POMZP3: variants seen among roughly 807,000 people sequenced by gnomAD.
POMZP3 encodes POM121 and ZP3 fusion protein.
In POMZP3, 10 loss-of-function variants were observed where a neutral mutation model predicts 19.8. The observed-to-expected ratio is 0.51, with a 90% CI of 0.31 to 0.86. The LOEUF (loss-of-function observed/expected upper bound fraction) is 0.86, where lower values mean the gene tolerates loss of function less well. Ranked by LOEUF, POMZP3 falls within the 40% of genes least tolerant of loss-of-function variation. POMZP3 has a pLI of 0.04. For synonymous variants in POMZP3, 57 were observed against 85.8 expected, an observed-to-expected ratio of 0.66 and a Z score of 1.85; for missense variants, 152 against 228.1, an observed-to-expected ratio of 0.67 and a Z score of 2.15.
Position 76,610,253 on chromosome 7 carries a change from T to C in POMZP3, c.*12-38A>G, listed in dbSNP as rs776295641. ...AACACACAACCAAGGGTCATCTTAG[T>C]CCCTAACCGGGAACTGGGTTGGAGG... On this transcript the variant is annotated intron_variant, in intron 6 of 6. Transcript: ENST00000310842. The C allele has an allele frequency of 4.3e-6, 7 of 1,613,870 alleles. 1 individual carries two copies. The South Asian group carries it at 7.7e-5, about 18-fold the overall frequency.
In POMZP3 at chr7:76,626,144, T is replaced by C; in HGVS notation, c.-80A>G. Reference sequence around the variant, plus strand: ...TGTGGGAAGTACCCCCGGACAGGAATACTGGGCCTGATGGATCGGATAGCG... The same window carrying C: ...TGTGGGAAGTACCCCCGGACAGGAACACTGGGCCTGATGGATCGGATAGCG... On this transcript the variant is annotated 5_prime_UTR_variant, in exon 2 of 7. Transcript: ENST00000310842. 3 of 1,609,472 alleles carry C rather than the reference T, an allele frequency of 1.9e-6. No individual in the cohort carries two copies. Among genetic ancestry groups the C allele is most frequent in the Non-Finnish European group, 2.5e-6 (3 of 1,177,662 alleles).
At chr7:76,619,517 T>C (rs1788139340) in intron 3 of POMZP3, among the ~76,000 whole-genome samples, 1 of 150,756 alleles carries the variant, frequency 6.6e-6, no homozygotes, top group Non-Finnish European at 1.5e-5. Flanking sequence ...TAAGGGGCAG[T>C]GGCAGGAGCA....
At chr7:76,626,280 T>A (rs1453018158) in intron 1 of POMZP3, 65 bp from the exon 2 acceptor site, 23 of 1,385,746 alleles carry the variant, frequency 1.7e-5, no homozygotes, top group Non-Finnish European at 2.1e-5. Context: ...TTTAGACGGT[T>A]AAAAACCCAC....
Position 76,626,886 on chromosome 7 carries a change from G to A in POMZP3, c.-330C>T, listed in dbSNP as rs925089155. On this transcript the variant is annotated 5_prime_UTR_variant, in exon 1 of 7. Coordinates refer to ENST00000310842, the MANE Select transcript of POMZP3 (RefSeq NM_012230.5). ...GAGCGGGGGCGGGCTGCGGCGGCCC[G>A]GGCTTGCCCAGGTAACTGCCCATGA... is the stretch of plus-strand genomic sequence containing the variant. 2 of 1,386,186 alleles carry A rather than the reference G, an allele frequency of 1.4e-6. No homozygotes were observed. Among genetic ancestry groups the A allele is most frequent in the South Asian group, 1.6e-5 (1 of 62,268 alleles). The allele number at this position is 1,386,186 out of a possible 1,614,324, so 85.9% of individuals were successfully genotyped here.
chr7:76,622,671 A>C (rs1451194950), intron 3 of POMZP3, among the ~76,000 whole-genome samples: 1 of 150,394 alleles, frequency 6.6e-6, no homozygotes. Context: ...GCCCATTCTC[A>C]AGTTTTGTTT....
Position 76,611,571 on chromosome 7 carries a change from A to G in POMZP3, c.458T>C (p.Leu153Pro), listed in dbSNP as rs1134609. 0.56 allele frequency: 796,637 copies of G among 1,432,504 alleles called. 256,497 individuals are homozygous for G. Among genetic ancestry groups the G allele is most frequent in the Middle Eastern group, 0.68 (3,814 of 5,626 alleles). The allele number at this position is 1,432,504 out of a possible 1,614,324, so 88.7% of individuals were successfully genotyped here. Residue 153 changes from leucine (L) to proline (P), a missense_variant, in exon 6 of 7, where the codon CTG (leucine) becomes CCG (proline). This residue lies in a region of POMZP3 where 65 missense variants were observed against 86.2 expected (regional missense o/e 0.75). Coordinates refer to ENST00000310842, the MANE Select transcript of POMZP3 (RefSeq NM_012230.5). ...PSNSWFPVEGLADICQCCNKG... is the reference protein window; with the variant it reads ...PSNSWFPVEGPADICQCCNKG... The stretch of plus-strand genomic sequence containing the variant: ...GTTACAGCATTGACAGATGTCAGCC[A>G]GGCCTTCCACTGGGAACCAGCTGAG...
At chr7:76,625,882 T>C in intron 2 of POMZP3, 118 bp downstream of exon 2, 1 of 1,485,442 alleles carries the variant, frequency 6.7e-7, no homozygotes, top group Non-Finnish European at 9.1e-7. Flanking sequence ...TATTTCTCAT[T>C]CAAACAAGCA....
Position 76,627,118 on chromosome 7 carries a change from G to A in POMZP3, c.-562C>T. 4 of 1,367,740 alleles carry A rather than the reference G, an allele frequency of 2.9e-6. No individual in the cohort carries two copies. Among genetic ancestry groups the A allele is most frequent in the Admixed American group, 2.7e-5 (1 of 36,958 alleles). The allele number at this position is 1,367,740 out of a possible 1,614,324, so 84.7% of individuals were successfully genotyped here. ...AGTCCCCACGGCCAGCCAGGCCAGC[G>A]CAGCCGCAGCAGGCACGAGGTACAG... is the stretch of plus-strand genomic sequence containing the variant. On this transcript the variant is annotated 5_prime_UTR_variant, in exon 1 of 7. Transcript: ENST00000310842.
At chr7:76,623,788 C>T (rs1196605333) in intron 3 of POMZP3, among the ~76,000 whole-genome samples, 8 of 151,022 alleles carry the variant, frequency 5.3e-5, no homozygotes, top group South Asian at 2.1e-4. Context: ...GCTGACAGAG[C>T]GAGAATCCGC....
Position 76,618,592 on chromosome 7 carries a change from C to G in POMZP3, c.228-292G>C, listed in dbSNP as rs377264341. The G allele has an allele frequency of 2.5e-4, 98 of 390,162 alleles. 2 individuals are homozygous for G. The highest frequency in any genetic ancestry group is 2.5e-3 in the South Asian group (92 of 36,932). 24.2% of individuals were successfully genotyped at this position (390,162 alleles called of 1,614,324 possible). On this transcript the variant is annotated intron_variant, in intron 3 of 6. Transcript: ENST00000310842. ...GCCAAAATTGCACCATTGCACTAGC[C>G]TGGGTGACAGACTGAGACTCGGTCT...
intron 4 of POMZP3, among the ~76,000 whole-genome samples, chr7:76,616,280 CA>C (rs1161112529): frequency 0.19 from 10,733 of 55,632 alleles, 563 homozygotes; most frequent in Middle Eastern, 0.34. Context: ...GAGACTGTCT[CA>C]AAAAAAAAAA....
At chr7:76,620,861 A>ATTTTTTTTTTTTTTTT (rs56084078) in intron 3 of POMZP3, among the ~76,000 whole-genome samples, 1 of 76,200 alleles carries the variant, frequency 1.3e-5, no homozygotes, top group Non-Finnish European at 2.2e-5. Context: ...CTGTAAAGCC[A>ATTTTTTTTTTTTTTTT]TTTTTTTTTT....
chr7:76,613,373 C>G (rs1460273480), intron 4 of POMZP3, among the ~76,000 whole-genome samples: 5 of 121,658 alleles, frequency 4.1e-5, no homozygotes, highest in African/African-American at 1.4e-4. Context: ...ACAGTCCTGG[C>G]CTCTGGGAAA....
chr7:76,624,497 A>G (rs1224724819), intron 3 of POMZP3, among the ~76,000 whole-genome samples: 1 of 151,420 alleles, frequency 6.6e-6, no homozygotes, highest in South Asian at 2.1e-4. Flanking sequence ...CCAGGCTAGC[A>G]TGCACTGGCA....
At chr7:76,614,895 C>T (rs1357854197) in intron 4 of POMZP3, among the ~76,000 whole-genome samples, 14 of 100,998 alleles carry the variant, frequency 1.4e-4, no homozygotes, top group African/African-American at 5.9e-4. Flanking sequence ...GGGTCTTGCT[C>T]TGTTGAGGGC....
chr7:76,618,428 C>T, intron 3 of POMZP3, 128 bp from the exon 4 acceptor site: 2 of 938,630 alleles, frequency 2.1e-6, no homozygotes, highest in South Asian at 1.5e-5. Flanking sequence ...TCGAGACTAG[C>T]CTGGCAAACA....
At position 76,625,556 on chromosome 7, in the gene POMZP3, G is replaced by A. The variant is rs761273614; in HGVS notation, c.193C>T (p.Gln65Ter). Residue 65 changes from glutamine (Q) to a stop codon, truncating the protein, a stop_gained, in exon 3 of 7, where the codon CAA becomes TAA. Coordinates refer to ENST00000310842, the MANE Select transcript of POMZP3 (RefSeq NM_012230.5). LOFTEE classifies it high-confidence loss of function. ...KKKRTVEEED[Q>*]IFLDGQENKR... ...TTTTCCTGGCCATCAAGGAATATTT[G>A]GTCTTCTTCCTCCACTGTCCTTTTC... The A allele has an allele frequency of 7.4e-6, 12 of 1,613,282 alleles. No individual in the cohort carries two copies. Among genetic ancestry groups the A allele is most frequent in the South Asian group, 1.1e-5 (1 of 91,030 alleles).
rs181691569 is a variant in POMZP3, at chr7:76,626,161, C to G, written c.-97G>C. 432 of 1,601,984 alleles carry G rather than the reference C, an allele frequency of 2.7e-4. 9 individuals carry two copies. The East Asian group carries it at 9.4e-3, about 35-fold the overall frequency. On this transcript the variant is annotated 5_prime_UTR_variant, in exon 2 of 7. Coordinates refer to ENST00000310842, the MANE Select transcript of POMZP3 (RefSeq NM_012230.5). The stretch of plus-strand genomic sequence containing the variant: ...GACAGGAATACTGGGCCTGATGGAT[C>G]GGATAGCGTCTTCGAGGTGTTATTA...
rs1281734526 is a variant in POMZP3 at position 76,622,042 on chromosome 7, G to T, written c.227+3480C>A. Among the ~76,000 whole-genome samples the T allele has an allele frequency of 2.8e-5, 4 of 143,348 alleles. No homozygotes were observed. In the East Asian group the frequency reaches 6.0e-4, roughly 22 times the overall value. 94.0% of individuals were successfully genotyped at this position (143,348 alleles called of 152,430 possible). Reference sequence around the variant, plus strand: ...AAGATGGCGACGAGAGTGACCTCTGGTCGTCCTCACTGCTACACTCCCACC... The same window carrying T: ...AAGATGGCGACGAGAGTGACCTCTGTTCGTCCTCACTGCTACACTCCCACC... On this transcript the variant is annotated intron_variant, in intron 3 of 6. Coordinates refer to ENST00000310842, the MANE Select transcript of POMZP3 (RefSeq NM_012230.5).
Sources: gnomAD v4.1 joint callset for allele counts (sites outside exome capture counted in the v4.1 genomes callset) on GRCh38, gnomAD v4.1.1 for gene constraint, gnomAD v4.1.1 regional missense constraint, MANE v1.5 for transcripts, NCBI Gene and HGNC (gene_info 2026-07-23, HGNC 2026-07-21) for gene names.